EVL: variants seen among roughly 807,000 people sequenced by gnomAD.
The protein encoded by EVL is ena/VASP-like protein.
In EVL, 21 loss-of-function variants were observed where a neutral mutation model predicts 59.6. That is an observed-to-expected ratio of 0.35 (90% CI 0.25 to 0.51). The LOEUF (loss-of-function observed/expected upper bound fraction) is 0.51, where lower values mean the gene tolerates loss of function less well. Ranked by LOEUF, EVL falls within the 20% of genes least tolerant of loss-of-function variation. The pLI is 0.97. For missense variants in EVL, 462 were observed against 546.6 expected (o/e 0.85, Z 1.54); for synonymous variants, 198 against 203.5 (o/e 0.97, Z 0.23).
chr14:100,023,654 G>C (rs2061165141), intron 1 of EVL, among the ~76,000 whole-genome samples: 2 of 151,498 alleles, frequency 1.3e-5, no homozygotes, highest in Non-Finnish European at 2.9e-5. Context: ...TAGAGACGGG[G>C]TTCAACCATG....
intron 1 of EVL, among the ~76,000 whole-genome samples, chr14:100,077,906 G>A (rs1313998997): frequency 2.0e-5 from 3 of 152,022 alleles, no homozygotes; most frequent in Non-Finnish European, 4.4e-5. Flanking sequence ...CGGAGTAGCT[G>A]GGACTACAAG....
intron 13 of EVL, among the ~76,000 whole-genome samples, chr14:100,143,498 G>C (rs936249139): frequency 2.0e-5 from 3 of 152,202 alleles, no homozygotes; most frequent in Non-Finnish European, 4.4e-5. Context: ...TGGCAGCAGG[G>C]GCCGCCGCAG....
chr14:100,066,502 T>C (rs1402149482), intron 1 of EVL: 1 of 152,208 alleles, frequency 6.6e-6, no homozygotes, highest in African/African-American at 2.4e-5. Flanking sequence ...GTTGTTAAAA[T>C]TGACGTGGTG....
Position 100,109,274 on chromosome 14 carries a change from C to T in EVL, c.358+11616C>T, listed in dbSNP as rs973431774. 1 of 328,670 alleles carries T rather than the reference C, an allele frequency of 3.0e-6. No individual in the cohort carries two copies. Among genetic ancestry groups the T allele is most frequent in the Non-Finnish European group, 5.9e-6 (1 of 168,564 alleles). The allele number at this position is 328,670 out of a possible 1,614,324, so 20.4% of individuals were successfully genotyped here. On this transcript the variant is annotated intron_variant, in intron 3 of 13. Transcript: ENST00000392920. This position sits in a 1 kb window ranked among gnomAD's most constrained non-coding sequence, Gnocchi z 4.3. ...GGGCTGCGTCTAAAGGGGCCCCGCC[C>T]CTGCCCTCATGCATGTTCTCTCCAT...
chr14:100,010,105 A>G (rs1003610513), intron 1 of EVL, among the ~76,000 whole-genome samples: 7 of 152,226 alleles, frequency 4.6e-5, no homozygotes, highest in African/African-American at 1.7e-4. Context: ...AAGAAAAACA[A>G]AGGGAAAAGA....
intron 11 of EVL, 104 bp downstream of exon 11, chr14:100,137,906 TAAC>T (rs1888913792): frequency 1.7e-6 from 2 of 1,178,402 alleles, no homozygotes; most frequent in Admixed American, 1.8e-5. Flanking sequence ...TCCTGGCATT[TAAC>T]AACTTGCTCT....
intron 1 of EVL, among the ~76,000 whole-genome samples, chr14:100,005,630 TACACACAC>T (rs35844160): frequency 8.6e-4 from 124 of 143,742 alleles, no homozygotes; most frequent in East Asian, 6.4e-3. Context: ...GCCTTTTAAA[TACACACAC>T]ACACACACAC....
chr14:99,979,799 G>A (rs762441408), intron 1 of EVL, among the ~76,000 whole-genome samples: 48 of 152,182 alleles, frequency 3.2e-4, no homozygotes, highest in Non-Finnish European at 4.9e-4. Context: ...AACCCGGGAG[G>A]CAGAGCTTGC....
intron 5 of EVL, among the ~76,000 whole-genome samples, chr14:100,128,055 A>G (rs1888192146): frequency 6.6e-6 from 1 of 152,188 alleles, no homozygotes. Flanking sequence ...CCATGCCCCC[A>G]GTCGGCCCTG....
chr14:100,078,713 A>G (rs1314622160), intron 1 of EVL, among the ~76,000 whole-genome samples: 3 of 152,046 alleles, frequency 2.0e-5, no homozygotes, highest in Non-Finnish European at 4.4e-5. Context: ...TGTGATGGTT[A>G]TGTGGTGAAA....
intron 2 of EVL, among the ~76,000 whole-genome samples, chr14:100,088,444 AGT>A (rs1366320156): frequency 6.6e-6 from 1 of 152,124 alleles, no homozygotes; most frequent in Non-Finnish European, 1.5e-5. Flanking sequence ...TTGTCATGTG[AGT>A]GTGCTCACAC....
At chr14:100,066,101 C>A (rs893835733) in intron 1 of EVL, among the ~76,000 whole-genome samples, 4 of 152,194 alleles carry the variant, frequency 2.6e-5, no homozygotes, top group Non-Finnish European at 4.4e-5. Flanking sequence ...ACATTTTGGA[C>A]CTGCCTCTCC....
At chr14:100,105,366 G>T (rs1201209756) in intron 3 of EVL, among the ~76,000 whole-genome samples, 4 of 152,106 alleles carry the variant, frequency 2.6e-5, no homozygotes, top group Non-Finnish European at 5.9e-5. Context: ...TAGCCTTCCA[G>T]ACTGAGACTC....
intron 3 of EVL, among the ~76,000 whole-genome samples, chr14:100,121,650 T>C (rs1289207323): frequency 1.3e-5 from 2 of 152,298 alleles, no homozygotes; most frequent in Non-Finnish European, 2.9e-5. Flanking sequence ...TATTAGACTT[T>C]CCCAGCCTCT....
intron 1 of EVL, among the ~76,000 whole-genome samples, chr14:100,043,263 G>A (rs569753259): frequency 1.2e-4 from 18 of 151,268 alleles, no homozygotes; most frequent in Non-Finnish European, 2.1e-4. Context: ...ATATGTGTGT[G>A]TGTATATATA....
At chr14:100,070,173 T>C (rs1214776662) in intron 1 of EVL, among the ~76,000 whole-genome samples, 1 of 151,814 alleles carries the variant, frequency 6.6e-6, no homozygotes, top group East Asian at 1.9e-4. Flanking sequence ...GAGGCTGAGG[T>C]GGGAGGATTG....
intron 1 of EVL, among the ~76,000 whole-genome samples, chr14:100,069,088 C>T (rs929547420): frequency 6.6e-6 from 1 of 152,150 alleles, no homozygotes; most frequent in Non-Finnish European, 1.5e-5. Context: ...CAGGGATTTT[C>T]GCCTATTTTG....
At chr14:99,990,048 A>T (rs1357684252) in intron 1 of EVL, among the ~76,000 whole-genome samples, 1 of 152,178 alleles carries the variant, frequency 6.6e-6, no homozygotes. Context: ...CATTTCCCCC[A>T]AGTCTTCTCT....
rs1021228978 is a variant in EVL at position 100,128,704 on chromosome 14, C to T, written c.673C>T (p.Leu225=). 1.9e-6 allele frequency: 3 copies of T among 1,607,008 alleles called. No individual in the cohort carries two copies. In the Admixed American group the frequency reaches 5.0e-5, roughly 27 times the overall value. ...SSHDESSMSG[L]AAAIAGAKLR... ...CCACGACGAGAGCTCCATGTCAGGA[C>T]TGGCCGCTGCCATAGCTGGGGCCAA... Residue 225 remains leucine (L), a synonymous_variant, in exon 6 of 14, where the codon CTG becomes TTG. Transcript: ENST00000392920.
Sources: allele counts gnomAD v4.1 joint callset (sites outside exome capture counted in the v4.1 genomes callset), GRCh38; gene constraint gnomAD v4.1.1; non-coding constraint Gnocchi (gnomAD v3.1); transcripts MANE v1.5; gene names NCBI Gene and HGNC (gene_info 2026-07-23, HGNC 2026-07-21).